Variants in MICALL2 observed in about 807,000 individuals in gnomAD.
MICALL2 encodes the protein MICAL-like protein 2.
MICALL2 carries 111 observed loss-of-function variants against 91.1 expected under a neutral mutation model. The observed-to-expected ratio is 1.22, with a 90% confidence interval of 1.04 to 1.43. MICALL2 has a LOEUF of 1.43. MICALL2 is among the 40% of genes most tolerant of loss of function. The pLI, the probability that MICALL2 is intolerant of heterozygous loss-of-function variation, is 0.00. For synonymous variants in MICALL2, 694 were observed against 525.3 expected, an observed-to-expected ratio of 1.32 and a Z score of -4.39; for missense variants, 1,556 against 1,236.0, an observed-to-expected ratio of 1.26 and a Z score of -3.88.
rs538431079 is a variant in MICALL2, at chr7:1,453,842, G to A, written c.144-3554C>T. 1.2e-4 allele frequency among the ~76,000 whole-genome samples: 19 copies of A among 152,326 alleles called. No homozygotes were observed. In the South Asian group the frequency reaches 1.5e-3, roughly 12 times the overall value. On this transcript the variant is annotated intron_variant, in intron 1 of 16. Coordinates refer to ENST00000297508, the MANE Select transcript of MICALL2 (RefSeq NM_182924.4). ...CACACAGTCGGTGCCCTATAAATGC[G>A]TGTGATGCATTTGTTCTGTGCTTGG... is the stretch of plus-strand genomic sequence containing the variant.
At chr7:1,458,694 C>T (rs1781105148) in intron 1 of MICALL2, among the ~76,000 whole-genome samples, 2 of 152,246 alleles carry the variant, frequency 1.3e-5, no homozygotes, top group African/African-American at 4.8e-5. Flanking sequence ...CGGCTGGCAG[C>T]AGCACCTGGG....
intron 2 of MICALL2, 138 bp downstream of exon 2, chr7:1,450,102 G>C: frequency 1.4e-6 from 1 of 709,980 alleles, no homozygotes; most frequent in Admixed American, 2.2e-5. Flanking sequence ...TGCCGGGCTG[G>C]TCAGGGAGCC....
intron 9 of MICALL2, chr7:1,439,633 G>A (rs911811345): frequency 1.4e-5 from 5 of 344,830 alleles, no homozygotes; most frequent in Non-Finnish European, 2.6e-5. Context: ...ACAGACACAT[G>A]GACATGCATC....
chr7:1,434,833 C>G, intron 16 of MICALL2, 161 bp from the exon 17 acceptor site: 1 of 790,962 alleles, frequency 1.3e-6, no homozygotes, highest in Non-Finnish European at 2.0e-6. Flanking sequence ...ACGTGAGAAC[C>G]TGCCCCGACT....
chr7:1,435,257 C>A, intron 15 of MICALL2, 110 bp from the exon 16 acceptor site: 2 of 1,056,118 alleles, frequency 1.9e-6, no homozygotes, highest in South Asian at 1.3e-5. Flanking sequence ...CCCGCCTGGA[C>A]CCATGCCACC....
chr7:1,435,819 C>T (rs1562443528), intron 15 of MICALL2, among the ~76,000 whole-genome samples: 1 of 152,298 alleles, frequency 6.6e-6, no homozygotes, highest in Admixed American at 6.5e-5. Context: ...CTTTGGGAGG[C>T]TGAGGCGGGC....
At chr7:1,457,947 C>T (rs374713397) in intron 1 of MICALL2, among the ~76,000 whole-genome samples, 3 of 152,276 alleles carry the variant, frequency 2.0e-5, no homozygotes, top group Non-Finnish European at 2.9e-5. Flanking sequence ...CAAAGCTCAG[C>T]GTCAGGCTTT....
In MICALL2 at chr7:1,438,223, G is replaced by A. The variant is rs199618255; in HGVS notation, c.2188-3C>T. The A allele has an allele frequency of 8.2e-6, 13 of 1,587,908 alleles. No homozygotes were observed. In the East Asian group the frequency reaches 9.1e-5, roughly 11 times the overall value. ...GGGGAGAGGTAGTCGGGGTGCAGCTGGGAACGGAGGGGCGGTGAGGATGCC... is the reference window on the plus strand; with the variant it reads ...GGGGAGAGGTAGTCGGGGTGCAGCTAGGAACGGAGGGGCGGTGAGGATGCC... On this transcript the variant is annotated splice_region_variant and splice_polypyrimidine_tract_variant and intron_variant, in intron 11 of 16. Transcript: ENST00000297508.
Position 1,459,386 on chromosome 7 carries a change from C to T in MICALL2, c.-60G>A, listed in dbSNP as rs1410050788. The T allele has an allele frequency of 1.5e-6, 2 of 1,358,610 alleles. No individual in the cohort carries two copies. Among genetic ancestry groups the T allele is most frequent in the Non-Finnish European group, 1.9e-6 (2 of 1,053,962 alleles). The allele number at this position is 1,358,610 out of a possible 1,614,324, so 84.2% of individuals were successfully genotyped here. ...CTCCGACACCTTCCCGCGGCTGTGCCGCGACCGCCCGGCCGGCGGGACAGA... is the reference window on the plus strand; with the variant it reads ...CTCCGACACCTTCCCGCGGCTGTGCTGCGACCGCCCGGCCGGCGGGACAGA... On this transcript the variant is annotated 5_prime_UTR_variant, in exon 1 of 17. Coordinates refer to ENST00000297508, the MANE Select transcript of MICALL2 (RefSeq NM_182924.4).
intron 10 of MICALL2, 197 bp downstream of exon 10, chr7:1,438,643 A>G: frequency 7.0e-7 from 1 of 1,423,736 alleles, no homozygotes; most frequent in Non-Finnish European, 9.2e-7. Flanking sequence ...ATGAGTCTGT[A>G]ACAAGGTACT....
chr7:1,446,916 C>T (rs1325246262), intron 4 of MICALL2, 88 bp from the exon 5 acceptor site: 1 of 941,576 alleles, frequency 1.1e-6, no homozygotes, highest in African/African-American at 1.7e-5. Flanking sequence ...AAGAGCCCAT[C>T]TTACAGATGG....
chr7:1,439,100 C>T, intron 9 of MICALL2, 105 bp from the exon 10 acceptor site: 1 of 931,674 alleles, frequency 1.1e-6, no homozygotes, highest in South Asian at 1.7e-5. Context: ...CCGGCCATCC[C>T]CATGCCCTGG....
Position 1,439,940 on chromosome 7 carries a change from C to A in MICALL2, c.1951G>T (p.Gly651Ter). ...PDRTPRPASPGPSLPARSPSP... is the reference protein window; with the variant it reads ...PDRTPRPASP ...CCAGGAGTACCTGGGAGGCTGGGTC[C>A]TGGGCTGGCTGGGCGTGGGGTCCTG... The change falls in exon 9 of 17, where the codon GGA becomes TGA. Residue 651 changes from glycine to a stop codon, truncating the protein, a stop_gained. Coordinates refer to ENST00000297508, the MANE Select transcript of MICALL2 (RefSeq NM_182924.4). LOFTEE classifies it high-confidence loss of function. 1 of 1,484,682 alleles carries A rather than the reference C, an allele frequency of 6.7e-7. No individual in the cohort carries two copies. Among genetic ancestry groups the A allele is most frequent in the Non-Finnish European group, 8.9e-7 (1 of 1,125,670 alleles). The allele number at this position is 1,484,682 out of a possible 1,614,324, so 92.0% of individuals were successfully genotyped here.
Position 1,434,586 on chromosome 7 carries a change from C to T in MICALL2, c.*10G>A, listed in dbSNP as rs1246469832. Reference sequence around the variant, plus strand: ...CCAGGTCCGGGCCGAGCCCACGGCCCTACTGGCTACTACTGGGAGGGGCTG... The same window carrying T: ...CCAGGTCCGGGCCGAGCCCACGGCCTTACTGGCTACTACTGGGAGGGGCTG... On this transcript the variant is annotated 3_prime_UTR_variant, in exon 17 of 17. Transcript: ENST00000297508. The T allele has an allele frequency of 7.5e-6, 12 of 1,606,724 alleles. No individual in the cohort carries two copies. Among genetic ancestry groups the T allele is most frequent in the Non-Finnish European group, 1.0e-5 (12 of 1,175,962 alleles).
In MICALL2 at chr7:1,450,292, G is replaced by C. The variant is rs975953770; in HGVS notation, c.144-4C>G. ...CTTCTTGAGAGCACTGAAGTTTCTG[G>C]AAGATAAAAACATGATGTCCAAAGC... On this transcript the variant is annotated splice_region_variant and splice_polypyrimidine_tract_variant and intron_variant, in intron 1 of 16. Transcript: ENST00000297508. 2.5e-6 allele frequency: 4 copies of C among 1,612,592 alleles called. No individual in the cohort carries two copies. Among genetic ancestry groups the C allele is most frequent in the Middle Eastern group, 1.7e-4 (1 of 6,054 alleles).
rs758044946 is a variant in MICALL2 at position 1,440,608 on chromosome 7, C to A, written c.1788G>T (p.Arg596Ser). ...TCCCTAACCTCTCAGCTGGGCTTCT[C>A]CTGTCCACGGGCTTCAGATTCGCTC... ...GWRANLKPVD[R>S]RSPAERTLKP... is the part of the protein sequence containing the mutation. Residue 596 changes from arginine (R) to serine (S), a missense_variant, in exon 8 of 17, where the codon AGG becomes AGT. By Grantham distance (110) the Arg-to-Ser change is moderately radical. Coordinates refer to ENST00000297508, the MANE Select transcript of MICALL2 (RefSeq NM_182924.4). 4.2e-5 allele frequency: 67 copies of A among 1,612,772 alleles called. 1 individual carries two copies. The Middle Eastern group carries it at 6.6e-4, about 16-fold the overall frequency.
rs1163308117 is a variant in MICALL2, at chr7:1,452,043, C to G, written c.144-1755G>C. ...TCTCCTTAGGAAGCCCCCGCCCCGT[C>G]CGCCTGCAGCCCTGCCGTCCATCAA... On this transcript the variant is annotated intron_variant, in intron 1 of 16. Transcript: ENST00000297508. The surrounding 1 kb of genome is among the most constrained non-coding windows in gnomAD (Gnocchi z 6.2). Among the ~76,000 whole-genome samples the G allele has an allele frequency of 6.6e-6, 1 of 152,194 alleles. No individual in the cohort carries two copies. Among genetic ancestry groups the G allele is most frequent in the African/African-American group, 2.4e-5 (1 of 41,450 alleles).
rs1433876468 is a variant in MICALL2 at position 1,436,861 on chromosome 7, G to A, written c.2477-5C>T. The A allele has an allele frequency of 1.9e-6, 3 of 1,572,572 alleles. No homozygotes were observed. Among genetic ancestry groups the A allele is most frequent in the Admixed American group, 1.8e-5 (1 of 55,846 alleles). ...CCTGCAGTGACTTCAGAGCCTCTGT[G>A]GGGATGGCTCGTCAGCAGGAGCCCC... On this transcript the variant is annotated splice_region_variant and splice_polypyrimidine_tract_variant and intron_variant, in intron 14 of 16. Transcript: ENST00000297508.
chr7:1,438,362 G>T lies in MICALL2; in HGVS notation c.2123-9C>A. 6.3e-7 allele frequency: 1 copy of T among 1,597,350 alleles called. No homozygotes were observed. Among genetic ancestry groups the T allele is most frequent in the African/African-American group, 1.3e-5 (1 of 74,674 alleles). Reference sequence around the variant, plus strand: ...CGGGGACAAGGGTCTCCCTGGAGAAGGAGCAGGGTGAGCCTCTGGGACCTG... The same window carrying T: ...CGGGGACAAGGGTCTCCCTGGAGAATGAGCAGGGTGAGCCTCTGGGACCTG... On this transcript the variant is annotated splice_polypyrimidine_tract_variant and intron_variant, in intron 10 of 16. Coordinates refer to ENST00000297508, the MANE Select transcript of MICALL2 (RefSeq NM_182924.4).
Sources: allele counts gnomAD v4.1 joint callset (sites outside exome capture counted in the v4.1 genomes callset), GRCh38; gene constraint gnomAD v4.1.1; non-coding constraint Gnocchi (gnomAD v3.1); transcripts MANE v1.5; gene names NCBI Gene and HGNC (gene_info 2026-07-23, HGNC 2026-07-21).